MACROD2: variants seen among roughly 807,000 people sequenced by gnomAD.
The protein encoded by MACROD2 is ADP-ribose glycohydrolase MACROD2.
A neutral mutation model predicts 70.4 loss-of-function variants in MACROD2; 36 were observed. The ratio of observed to expected loss-of-function variants is 0.51; its 90% CI spans 0.39 to 0.68. The LOEUF is 0.68. Among genes scored for constraint, MACROD2 ranks in the 30% least tolerant of loss-of-function variants. The probability of loss-of-function intolerance (pLI) is 0.00; values close to 1 mark genes in which losing one functional copy is unlikely to be tolerated. For synonymous variants in MACROD2, 172 were observed against 178.8 expected (o/e 0.96, Z 0.30); for missense variants, 496 against 538.4 (o/e 0.92, Z 0.78).
At chr20:14,324,419 C>T (rs1237884564) in intron 3 of MACROD2, 1 of 152,414 alleles carries the variant, frequency 6.6e-6, no homozygotes, top group African/African-American at 2.4e-5. Context: ...AAAATTGTGA[C>T]AGTAATGGGC....
At chr20:15,494,533 C>T (rs2047269894) in intron 7 of MACROD2, among the ~76,000 whole-genome samples, 1 of 152,138 alleles carries the variant, frequency 6.6e-6, no homozygotes, top group Non-Finnish European at 1.5e-5. Context: ...ATGGGTAAAT[C>T]AGGCAGGCAT....
intron 8 of MACROD2, among the ~76,000 whole-genome samples, chr20:15,810,665 C>T (rs996161254): frequency 4.6e-5 from 7 of 152,210 alleles, no homozygotes; most frequent in Non-Finnish European, 1.0e-4. Flanking sequence ...CTGGAGGCAT[C>T]ACGCTACCTG....
At chr20:15,849,774 G>A (rs555164708) in intron 8 of MACROD2, among the ~76,000 whole-genome samples, 1 of 152,280 alleles carries the variant, frequency 6.6e-6, no homozygotes, top group African/African-American at 2.4e-5. Context: ...TGAGAAGCAG[G>A]AGGATGAAAT....
intron 3 of MACROD2, among the ~76,000 whole-genome samples, chr20:14,254,391 G>GA (rs201282238): frequency 6.6e-6 from 1 of 151,034 alleles, no homozygotes; most frequent in Non-Finnish European, 1.5e-5. Flanking sequence ...ATAATTTAGT[G>GA]AAAAAAAAGA....
At chr20:15,703,857 G>T (rs2050495186) in intron 8 of MACROD2, among the ~76,000 whole-genome samples, 1 of 152,172 alleles carries the variant, frequency 6.6e-6, no homozygotes, top group Non-Finnish European at 1.5e-5. Context: ...AGCAAGTGAG[G>T]CAAGAAAAGA....
chr20:14,470,997 G>A (rs894864525), intron 3 of MACROD2, among the ~76,000 whole-genome samples: 3 of 152,202 alleles, frequency 2.0e-5, no homozygotes, highest in East Asian at 1.9e-4. Flanking sequence ...AGGTAGCTCG[G>A]TGTCTTCCCA....
At chr20:14,501,650 T>TA (rs1386698970) in intron 4 of MACROD2, among the ~76,000 whole-genome samples, 2 of 152,090 alleles carry the variant, frequency 1.3e-5, no homozygotes, top group Non-Finnish European at 2.9e-5. Context: ...TAACTCTTTT[T>TA]AAAAAAATAG....
chr20:14,747,324 G>C (rs907679823), intron 5 of MACROD2, among the ~76,000 whole-genome samples: 1 of 152,188 alleles, frequency 6.6e-6, no homozygotes, highest in African/African-American at 2.4e-5. Flanking sequence ...AGGGACAGGG[G>C]ACTATGTAAT....
chr20:14,362,260 A>G (rs1568577061), intron 3 of MACROD2, among the ~76,000 whole-genome samples: 1 of 152,232 alleles, frequency 6.6e-6, no homozygotes, highest in Non-Finnish European at 1.5e-5. Flanking sequence ...CAAGTGAGAC[A>G]GGTACTTTTA....
At chr20:14,293,157 A>G (rs1008541567) in intron 3 of MACROD2, among the ~76,000 whole-genome samples, 2 of 151,798 alleles carry the variant, frequency 1.3e-5, no homozygotes, top group African/African-American at 4.9e-5. Flanking sequence ...ATAAATATTC[A>G]ATCATTTACC....
chr20:14,704,957 T>C (rs1025613692), intron 5 of MACROD2, among the ~76,000 whole-genome samples: 5 of 149,780 alleles, frequency 3.3e-5, no homozygotes, highest in African/African-American at 1.3e-4. Flanking sequence ...GTGTCTCTCT[T>C]TTTTTTTTCA....
chr20:14,761,162 C>G (rs533683003), intron 5 of MACROD2, among the ~76,000 whole-genome samples: 2 of 152,112 alleles, frequency 1.3e-5, no homozygotes, highest in African/African-American at 4.8e-5. Context: ...GTCTTTGCCT[C>G]TATTGGAAAG....
chr20:15,085,358 A>T (rs1003795043), intron 5 of MACROD2, among the ~76,000 whole-genome samples: 1 of 152,194 alleles, frequency 6.6e-6, no homozygotes, highest in African/African-American at 2.4e-5. Context: ...ATATGAAACA[A>T]CAAGCACAAG....
chr20:14,193,759 G>A (rs987172562), intron 3 of MACROD2, among the ~76,000 whole-genome samples: 3 of 152,270 alleles, frequency 2.0e-5, no homozygotes, highest in African/African-American at 7.2e-5. Context: ...ACTCCTAATC[G>A]CCTGCTGTAG....
chr20:15,418,151 A>T (rs2046180920), intron 6 of MACROD2, among the ~76,000 whole-genome samples: 1 of 152,192 alleles, frequency 6.6e-6, no homozygotes, highest in Non-Finnish European at 1.5e-5. Flanking sequence ...AATAATAATA[A>T]TGCTTTCTGT....
At position 14,404,714 on chromosome 20, in the gene MACROD2, T is replaced by C. The variant is rs144320812; in HGVS notation, c.272-88765T>C. 1.8e-3 allele frequency among the ~76,000 whole-genome samples: 280 copies of C among 152,192 alleles called. 3 individuals are homozygous for C. The highest frequency in any genetic ancestry group is 6.3e-3 in the African/African-American group (261 of 41,528). ...GAAGAAAGACATGACCTAACAATAATGAGACTGACAGCTGGCTTCACAATA... is the reference window on the plus strand; with the variant it reads ...GAAGAAAGACATGACCTAACAATAACGAGACTGACAGCTGGCTTCACAATA... On this transcript the variant is annotated intron_variant, in intron 3 of 17. Coordinates refer to ENST00000684519, the MANE Select transcript of MACROD2 (RefSeq NM_001351661.2).
At chr20:15,913,220 A>G (rs2065262100) in intron 10 of MACROD2, among the ~76,000 whole-genome samples, 1 of 138,736 alleles carries the variant, frequency 7.2e-6, no homozygotes, top group East Asian at 1.9e-4. Flanking sequence ...CTCTTCATAG[A>G]AAAAAAAAAT....
In MACROD2 at chr20:14,446,003, C is replaced by T. The variant is rs561557458; in HGVS notation, c.272-47476C>T. 1.9e-4 allele frequency among the ~76,000 whole-genome samples: 29 copies of T among 152,162 alleles called. 1 individual carries two copies. Among genetic ancestry groups the T allele is most frequent in the African/African-American group, 6.0e-4 (25 of 41,478 alleles). On this transcript the variant is annotated intron_variant, in intron 3 of 17. Transcript: ENST00000684519. ...TTTATAGGACATGTTTGTGACTATA[C>T]ATCCACTACTATTTTACTGTCCAGA...
intron 8 of MACROD2, among the ~76,000 whole-genome samples, chr20:15,618,480 A>T (rs935896185): frequency 7.2e-5 from 11 of 152,184 alleles, no homozygotes; most frequent in African/African-American, 2.4e-4. Context: ...GAATGTTTTT[A>T]TCAACTCCAA....
Sources: allele counts gnomAD v4.1 joint callset (sites outside exome capture counted in the v4.1 genomes callset), GRCh38; gene constraint gnomAD v4.1.1; transcripts MANE v1.5; gene names NCBI Gene and HGNC (gene_info 2026-07-23, HGNC 2026-07-21).